DSCAM: variants seen among roughly 807,000 people sequenced by gnomAD.
DSCAM encodes the protein DS cell adhesion molecule, also known as cell adhesion molecule DSCAM.
Under a neutral mutation model 217.7 loss-of-function variants are expected in DSCAM, and 47 were observed. That is an observed-to-expected ratio of 0.22 (90% CI 0.17 to 0.28). The LOEUF is 0.28. DSCAM is among the 10% of genes least tolerant of loss of function. The pLI, the probability that DSCAM is intolerant of heterozygous loss-of-function variation, is 1.00. For synonymous variants in DSCAM, 1,056 were observed against 1,015.3 expected, an observed-to-expected ratio of 1.04 and a Z score of -0.76; for missense variants, 2,080 against 2,618.3, an observed-to-expected ratio of 0.79 and a Z score of 4.49.
At position 40,657,318 on chromosome 21, in the gene DSCAM, A is replaced by G. The variant is rs143796026; in HGVS notation, c.508+35492T>C. On this transcript the variant is annotated intron_variant, in intron 3 of 32. Coordinates refer to ENST00000400454, the MANE Select transcript of DSCAM (RefSeq NM_001389.5). ...CAGAGGTTACTTTTGAGCTGACACA[A>G]GGAATATATCAATAATTAGCCCTTA... Among the ~76,000 whole-genome samples the G allele has an allele frequency of 5.1e-3, 777 of 152,308 alleles. 6 individuals are homozygous for G. Among genetic ancestry groups the G allele is most frequent in the African/African-American group, 0.018 (735 of 41,568 alleles).
chr21:40,256,230 A>G (rs2073368004), intron 11 of DSCAM, among the ~76,000 whole-genome samples: 1 of 152,208 alleles, frequency 6.6e-6, no homozygotes, highest in East Asian at 1.9e-4. Flanking sequence ...AAATATGCAC[A>G]CGTTAATATG....
chr21:40,033,599 G>C (rs905912507), intron 32 of DSCAM, among the ~76,000 whole-genome samples: 4 of 151,704 alleles, frequency 2.6e-5, no homozygotes, highest in Non-Finnish European at 4.4e-5. Flanking sequence ...GGCTGGGGGA[G>C]GGGGGCCCCC....
chr21:40,576,201 G>A (rs1482917262), intron 3 of DSCAM, among the ~76,000 whole-genome samples: 1 of 152,208 alleles, frequency 6.6e-6, no homozygotes, highest in Non-Finnish European at 1.5e-5. Flanking sequence ...CAGCCCAAAA[G>A]TCTGGCAACA....
At chr21:40,442,384 A>G (rs1476202937) in intron 3 of DSCAM, among the ~76,000 whole-genome samples, 2 of 151,634 alleles carry the variant, frequency 1.3e-5, no homozygotes. Flanking sequence ...TTTTAAATTT[A>G]AATATTTTTA....
intron 2 of DSCAM, among the ~76,000 whole-genome samples, chr21:40,702,852 T>C (rs2146470967): frequency 6.6e-6 from 1 of 152,296 alleles, no homozygotes; most frequent in East Asian, 1.9e-4. Context: ...TATATTCAGG[T>C]GACATTACAC....
chr21:40,093,852 G>A lies in DSCAM; in HGVS notation c.3719C>T (p.Ser1240Phe). ...AATTCTGTAGGAAAACGAGTCGGGAGAGGCCTCAAACTCGCTGATCACCTG... is the reference window on the plus strand; with the variant it reads ...AATTCTGTAGGAAAACGAGTCGGGAAAGGCCTCAAACTCGCTGATCACCTG... Reference protein sequence around the residue: ...YPTVISEFEASPDSFSYRIPN... With the variant: ...YPTVISEFEAFPDSFSYRIPN... Residue 1240 changes from serine to phenylalanine, a missense_variant, in exon 21 of 33, where the codon TCT becomes TTT. Ser to Phe is a radical substitution (Grantham distance 155). Coordinates refer to ENST00000400454, the MANE Select transcript of DSCAM (RefSeq NM_001389.5). The A allele has an allele frequency of 1.9e-6, 3 of 1,613,854 alleles. No homozygotes were observed. Among genetic ancestry groups the A allele is most frequent in the Non-Finnish European group, 2.5e-6 (3 of 1,179,926 alleles).
intron 11 of DSCAM, among the ~76,000 whole-genome samples, chr21:40,238,585 A>T (rs2073108484): frequency 6.6e-6 from 1 of 152,206 alleles, no homozygotes; most frequent in Non-Finnish European, 1.5e-5. Flanking sequence ...CTGAGTGGAA[A>T]GCATTGCGTC....
intron 1 of DSCAM, among the ~76,000 whole-genome samples, chr21:40,756,392 GTC>G (rs1288115801): frequency 2.0e-5 from 3 of 152,012 alleles, no homozygotes; most frequent in African/African-American, 7.2e-5. Context: ...AAATTACTCA[GTC>G]TCTTTTTTTT....
intron 1 of DSCAM, among the ~76,000 whole-genome samples, chr21:40,731,172 T>C (rs1473271772): frequency 6.6e-6 from 1 of 152,186 alleles, no homozygotes; most frequent in African/African-American, 2.4e-5. Flanking sequence ...TGGGTCAAAG[T>C]CAACCTTACA....
intron 3 of DSCAM, among the ~76,000 whole-genome samples, chr21:40,519,686 G>A (rs2076342932): frequency 6.6e-6 from 1 of 152,104 alleles, no homozygotes; most frequent in African/African-American, 2.4e-5. Flanking sequence ...AATAGACTAA[G>A]ACACCCAGAG....
chr21:40,748,450 G>T (rs2091196259), intron 1 of DSCAM, among the ~76,000 whole-genome samples: 1 of 151,936 alleles, frequency 6.6e-6, no homozygotes. Flanking sequence ...CAAACTATTT[G>T]AAATTGAAAT....
chr21:40,769,697 T>A (rs2091427993), intron 1 of DSCAM, among the ~76,000 whole-genome samples: 1 of 152,188 alleles, frequency 6.6e-6, no homozygotes, highest in Non-Finnish European at 1.5e-5. Flanking sequence ...TTTGGAGCAT[T>A]TTTTCTTGTC....
At chr21:40,346,761 G>A (rs1340788957) in intron 6 of DSCAM, among the ~76,000 whole-genome samples, 2 of 152,102 alleles carry the variant, frequency 1.3e-5, no homozygotes, top group African/African-American at 4.8e-5. Flanking sequence ...TTAAATCTGA[G>A]AACATTTGGA....
chr21:40,015,310 C>T (rs1391190225), intron 32 of DSCAM, among the ~76,000 whole-genome samples: 1 of 152,144 alleles, frequency 6.6e-6, no homozygotes, highest in Non-Finnish European at 1.5e-5. Flanking sequence ...CTCCTGTGTG[C>T]TCCATCTTGT....
intron 2 of DSCAM, among the ~76,000 whole-genome samples, chr21:40,699,428 A>G (rs574279411): frequency 1.3e-5 from 2 of 152,344 alleles, no homozygotes; most frequent in East Asian, 1.9e-4. Context: ...CTTTAAATCA[A>G]AATCTAGAAA....
At chr21:40,587,262 CATGTCTT>C (rs1302078253) in intron 3 of DSCAM, among the ~76,000 whole-genome samples, 2 of 152,092 alleles carry the variant, frequency 1.3e-5, no homozygotes, top group Non-Finnish European at 2.9e-5. Context: ...ACACTAGGGT[CATGTCTT>C]AGCTTTAAGC....
At chr21:40,306,112 T>A (rs2074072407) in intron 9 of DSCAM, among the ~76,000 whole-genome samples, 1 of 151,882 alleles carries the variant, frequency 6.6e-6, no homozygotes, top group Non-Finnish European at 1.5e-5. Context: ...TCCTCTTTTA[T>A]TTCATTGAGC....
chr21:40,828,384 T>A (rs188880706), intron 1 of DSCAM, among the ~76,000 whole-genome samples: 2 of 152,178 alleles, frequency 1.3e-5, no homozygotes, highest in Non-Finnish European at 2.9e-5. Context: ...GTCATGTGTA[T>A]GGGTCTGGTG....
rs2092149984 is a variant in DSCAM at position 40,846,790 on chromosome 21, C to T, written c.-129G>A. ...CCGCCCGCCCGCCGCCCGCCGCCGC[C>T]GCCGCCGCTGCCTAGCCGCCCGGGC... On this transcript the variant is annotated 5_prime_UTR_variant, in exon 1 of 33. Coordinates refer to ENST00000400454, the MANE Select transcript of DSCAM (RefSeq NM_001389.5). 1 of 258,088 alleles carries T rather than the reference C, an allele frequency of 3.9e-6. No homozygotes were observed. Among genetic ancestry groups the T allele is most frequent in the South Asian group, 1.3e-4 (1 of 7,628 alleles). The allele number at this position is 258,088 out of a possible 1,614,324, so 16.0% of individuals were successfully genotyped here.
Sources: gnomAD v4.1 joint callset for allele counts (sites outside exome capture counted in the v4.1 genomes callset) on GRCh38, gnomAD v4.1.1 for gene constraint, MANE v1.5 for transcripts, NCBI Gene and HGNC (gene_info 2026-07-23, HGNC 2026-07-21) for gene names.